Variants in MGAT4C observed in about 807,000 individuals in gnomAD.
MGAT4C encodes the protein MGAT4 family member C, also known as alpha-1,3-mannosyl-glycoprotein 4-beta-N-acetylglucosaminyltransferase C.
In MGAT4C, 19 loss-of-function variants were observed where a neutral mutation model predicts 40.1. The observed-to-expected ratio is 0.47, with a 90% CI of 0.33 to 0.70. The LOEUF is 0.70. Ranked by LOEUF, MGAT4C falls within the 30% of genes least tolerant of loss-of-function variation. The probability of loss-of-function intolerance (pLI) is 0.02; values close to 1 mark genes in which losing one functional copy is unlikely to be tolerated. For synonymous variants in MGAT4C, 181 were observed against 187.1 expected, an observed-to-expected ratio of 0.97 and a Z score of 0.27; for missense variants, 491 against 563.2, an observed-to-expected ratio of 0.87 and a Z score of 1.30.
chr12:86,005,197 G>A (rs770570958), intron 2 of MGAT4C, among the ~76,000 whole-genome samples: 1 of 152,094 alleles, frequency 6.6e-6, no homozygotes, highest in Non-Finnish European at 1.5e-5. Context: ...GCCACATTGG[G>A]CAGAGAAGCC....
intron 2 of MGAT4C, among the ~76,000 whole-genome samples, chr12:86,488,342 G>A (rs368172345): frequency 7.3e-5 from 11 of 151,094 alleles, no homozygotes; most frequent in East Asian, 5.9e-4. Context: ...CAAGAGTATC[G>A]CTTCAGCCAG....
At chr12:86,819,585 A>G (rs543935661) in intron 1 of MGAT4C, among the ~76,000 whole-genome samples, 1 of 151,076 alleles carries the variant, frequency 6.6e-6, no homozygotes, top group African/African-American at 2.4e-5. Context: ...GATAAAAAGC[A>G]TAAAAGTTAT....
chr12:86,640,375 A>G (rs1963344865), intron 2 of MGAT4C, among the ~76,000 whole-genome samples: 1 of 151,902 alleles, frequency 6.6e-6, no homozygotes, highest in Non-Finnish European at 1.5e-5. Context: ...TTAAAAGCAG[A>G]ACTCCTAATA....
At chr12:86,724,702 T>C (rs1950793497) in intron 2 of MGAT4C, among the ~76,000 whole-genome samples, 1 of 152,242 alleles carries the variant, frequency 6.6e-6, no homozygotes, top group Non-Finnish European at 1.5e-5. Context: ...CATGTTATAA[T>C]GTCAACATAA....
chr12:86,706,416 T>A (rs912493532), intron 2 of MGAT4C, among the ~76,000 whole-genome samples: 8 of 152,174 alleles, frequency 5.3e-5, no homozygotes, highest in African/African-American at 1.9e-4. Flanking sequence ...GGTTTAAAAA[T>A]TGTTTTTATT....
At chr12:86,415,990 G>A (rs1956702735) in intron 3 of MGAT4C, among the ~76,000 whole-genome samples, 1 of 151,982 alleles carries the variant, frequency 6.6e-6, no homozygotes, top group Non-Finnish European at 1.5e-5. Flanking sequence ...CCTAGAAAGA[G>A]AATGTCATGA....
intron 1 of MGAT4C, among the ~76,000 whole-genome samples, chr12:86,154,319 T>G (rs1884652617): frequency 6.6e-6 from 1 of 152,148 alleles, no homozygotes; most frequent in South Asian, 2.1e-4. Flanking sequence ...CAGTCTACCC[T>G]GGAAATGAGA....
Position 86,774,287 on chromosome 12 carries a change from C to CTTTCTTTCTTTCTTTCTTTCT in MGAT4C, c.-261-47067_-261-47047dup, listed in dbSNP as rs1565981252. Among the ~76,000 whole-genome samples, 21 of 23,538 alleles carry CTTTCTTTCTTTCTTTCTTTCT rather than the reference C, an allele frequency of 8.9e-4. 1 individual carries two copies. The highest frequency in any genetic ancestry group is 2.0e-3 in the Non-Finnish European group (18 of 8,796). The allele number at this position is 23,538 out of a possible 152,430, so 15.4% of individuals were successfully genotyped here. A position where few individuals can be genotyped will look rare whatever the true frequency, so the allele number is the denominator to read the frequency against. ...AAGTAACTTCTAAGGCTTGCTCTTT[C>CTTTCTTTCTTTCTTTCTTTCT]TTTCTTTCTTTCTTTCTTTCTTTCT... On this transcript the variant is annotated intron_variant, in intron 1 of 7. Transcript: ENST00000548651.
At chr12:86,384,512 G>A (rs542281739) in intron 3 of MGAT4C, among the ~76,000 whole-genome samples, 5 of 152,248 alleles carry the variant, frequency 3.3e-5, no homozygotes, top group East Asian at 1.9e-4. Context: ...CATTATTAAC[G>A]TAATGTGAGA....
At chr12:86,560,825 A>G (rs2136408280) in intron 2 of MGAT4C, among the ~76,000 whole-genome samples, 1 of 152,304 alleles carries the variant, frequency 6.6e-6, no homozygotes, top group African/African-American at 2.4e-5. Flanking sequence ...ATAAAACATA[A>G]CAAAACTGGA....
intron 1 of MGAT4C, among the ~76,000 whole-genome samples, chr12:86,765,314 G>C (rs1951485225): frequency 6.6e-6 from 1 of 152,002 alleles, no homozygotes; most frequent in Non-Finnish European, 1.5e-5. Context: ...GAAGTGTAGA[G>C]AAAAAAGAAT....
intron 1 of MGAT4C, among the ~76,000 whole-genome samples, chr12:86,150,098 G>C (rs1260639752): frequency 6.6e-6 from 1 of 152,172 alleles, no homozygotes. Flanking sequence ...CAGATCATCA[G>C]GCATTAGTTA....
Position 85,971,280 on chromosome 12 carries a change from G to T in MGAT4C, c.*8009C>A, listed in dbSNP as rs1883610977. On this transcript the variant is annotated 3_prime_UTR_variant, in exon 5 of 5. Transcript: ENST00000611864. ...ACTATTGGGCACCCAGTTATTTGGT[G>T]GTACGCTGAGTGAAAATATGTAGCT... The T allele has an allele frequency of 6.6e-6, 1 of 151,196 alleles. No individual in the cohort carries two copies. Among genetic ancestry groups the T allele is most frequent in the Non-Finnish European group, 1.5e-5 (1 of 67,372 alleles). 9.4% of individuals were successfully genotyped at this position (151,196 alleles called of 1,614,324 possible).
rs566523856 is a variant in MGAT4C at position 86,767,761 on chromosome 12, A to C, written c.-261-40520T>G. Among the ~76,000 whole-genome samples the C allele has an allele frequency of 5.5e-3, 843 of 152,354 alleles. 2 individuals carry two copies. The highest frequency in any genetic ancestry group is 9.0e-3 in the Non-Finnish European group (609 of 68,030). ...CAGCATATAAACAGAACCAAAGACA[A>C]AAACCACATGATTATCTCAATAGAT... On this transcript the variant is annotated intron_variant, in intron 1 of 7. Transcript: ENST00000548651.
chr12:86,371,698 T>A (rs1173560466), intron 3 of MGAT4C, among the ~76,000 whole-genome samples: 1 of 152,098 alleles, frequency 6.6e-6, no homozygotes, highest in Admixed American at 6.6e-5. Context: ...TAGACTGTGT[T>A]TCACTTCTAG....
At chr12:86,508,930 T>A (rs1315515068) in intron 2 of MGAT4C, among the ~76,000 whole-genome samples, 1 of 151,402 alleles carries the variant, frequency 6.6e-6, no homozygotes, top group Non-Finnish European at 1.5e-5. Flanking sequence ...TGTAAATTTG[T>A]TTGAGTTCAT....
At chr12:86,434,400 A>G (rs1308289843) in intron 3 of MGAT4C, among the ~76,000 whole-genome samples, 1 of 151,878 alleles carries the variant, frequency 6.6e-6, no homozygotes, top group Non-Finnish European at 1.5e-5. Flanking sequence ...CATGTCAAAT[A>G]TTTATATATA....
intron 1 of MGAT4C, among the ~76,000 whole-genome samples, chr12:86,076,567 C>T (rs1270040703): frequency 1.3e-5 from 2 of 152,132 alleles, no homozygotes; most frequent in Non-Finnish European, 2.9e-5. Flanking sequence ...TTTAGTTGGA[C>T]TTACAGTTCC....
chr12:86,295,916 A>G (rs1953659142), intron 4 of MGAT4C, among the ~76,000 whole-genome samples: 1 of 146,698 alleles, frequency 6.8e-6, no homozygotes, highest in Non-Finnish European at 1.5e-5. Context: ...TGGTTTGTTT[A>G]CAATCCCTGA....
Sources: gnomAD v4.1 joint callset for allele counts (sites outside exome capture counted in the v4.1 genomes callset) on GRCh38, gnomAD v4.1.1 for gene constraint, MANE v1.5 for transcripts, NCBI Gene and HGNC (gene_info 2026-07-23, HGNC 2026-07-21) for gene names.